AP3S1: variants seen among roughly 807,000 people sequenced by gnomAD.
AP3S1 encodes the protein AP-3 complex subunit sigma-1.
A neutral mutation model predicts 21.3 loss-of-function variants in AP3S1; 12 were observed. That is an observed-to-expected ratio of 0.56 (90% CI 0.36 to 0.91). AP3S1 has a LOEUF of 0.91. Ranked by LOEUF, AP3S1 falls within the 40% of genes least tolerant of loss-of-function variation. AP3S1 has a pLI of 0.01. For missense variants in AP3S1, 116 were observed against 225.0 expected (o/e 0.52, Z 3.10); for synonymous variants, 48 against 78.4 (o/e 0.61, Z 2.05).
chr5:115,912,908 C>T (rs1235908036), intron 5 of AP3S1, among the ~76,000 whole-genome samples: 1 of 152,028 alleles, frequency 6.6e-6, no homozygotes, highest in Non-Finnish European at 1.5e-5. Context: ...ATTAAACAAG[C>T]ACAATCTATT....
intron 1 of AP3S1, among the ~76,000 whole-genome samples, chr5:115,845,152 A>G (rs758588874): frequency 1.3e-5 from 2 of 152,198 alleles, no homozygotes; most frequent in East Asian, 1.9e-4. Flanking sequence ...TCTAAGAAGT[A>G]TATGTCCAAT....
chr5:115,898,649 T>C (rs1750962476), intron 4 of AP3S1: 1 of 152,156 alleles, frequency 6.6e-6, no homozygotes, highest in Non-Finnish European at 1.5e-5. Context: ...TTTCCACTAG[T>C]GTAAAGGAAG....
intron 3 of AP3S1, among the ~76,000 whole-genome samples, chr5:115,894,229 A>G (rs1160238312): frequency 3.3e-5 from 5 of 152,218 alleles, no homozygotes; most frequent in Admixed American, 3.3e-4. Context: ...AAAATATGTC[A>G]TAATGTGTAC....
chr5:115,842,533 A>C (rs1580590985), intron 1 of AP3S1: 1 of 155,000 alleles, frequency 6.5e-6, no homozygotes, highest in South Asian at 1.9e-4. Flanking sequence ...ACGGCGTGGA[A>C]CTCGTTCTTC....
chr5:115,856,170 T>A (rs567001935), intron 1 of AP3S1, among the ~76,000 whole-genome samples: 19 of 152,318 alleles, frequency 1.2e-4, no homozygotes, highest in African/African-American at 4.3e-4. Context: ...CTGATCAGCC[T>A]GAAGCAAGTT....
At position 115,857,345 on chromosome 5, in the gene AP3S1, G is replaced by A. The variant is rs184299579; in HGVS notation, c.70-9325G>A. Among the ~76,000 whole-genome samples the A allele has an allele frequency of 2.5e-3, 380 of 152,250 alleles. 3 individuals carry two copies. Among genetic ancestry groups the A allele is most frequent in the African/African-American group, 8.6e-3 (359 of 41,564 alleles). On this transcript the variant is annotated intron_variant, in intron 1 of 5. Transcript: ENST00000316788. ...ACACGTATGTATAAAGTAAGTGTAT[G>A]AACTCAGTTCTCACAACACCACCAT...
At chr5:115,860,159 C>T (rs768516787) in intron 1 of AP3S1, among the ~76,000 whole-genome samples, 13 of 152,174 alleles carry the variant, frequency 8.5e-5, no homozygotes, top group Non-Finnish European at 1.5e-4. Context: ...TCATAGCCAG[C>T]GGCATAGCAG....
At chr5:115,880,323 C>T (rs1000990304) in intron 3 of AP3S1, among the ~76,000 whole-genome samples, 13 of 152,264 alleles carry the variant, frequency 8.5e-5, no homozygotes, top group Admixed American at 2.6e-4. Flanking sequence ...CCCGCTTTCT[C>T]CTGTGGAGAT....
chr5:115,883,663 C>T (rs1749510463), intron 3 of AP3S1, among the ~76,000 whole-genome samples: 1 of 152,218 alleles, frequency 6.6e-6, no homozygotes, highest in Admixed American at 6.5e-5. Flanking sequence ...ATCTTGCCAT[C>T]CACCTCCTTT....
At chr5:115,907,225 A>G (rs1286841400) in intron 5 of AP3S1, among the ~76,000 whole-genome samples, 2 of 152,214 alleles carry the variant, frequency 1.3e-5, no homozygotes, top group Non-Finnish European at 2.9e-5. Flanking sequence ...AGCAGAACCA[A>G]TCTTAATTTA....
chr5:115,863,237 A>C (rs140567476), intron 1 of AP3S1, among the ~76,000 whole-genome samples: 4,029 of 152,146 alleles, frequency 0.026, 72 homozygotes, highest in Non-Finnish European at 0.041. Context: ...TCTCTACTAA[A>C]AATACAAAAA....
chr5:115,913,143 T>C (rs1386580862), intron 5 of AP3S1, among the ~76,000 whole-genome samples: 2 of 152,192 alleles, frequency 1.3e-5, no homozygotes, highest in Non-Finnish European at 2.9e-5. Context: ...TTTACATTGT[T>C]ATCATTGCAT....
At chr5:115,879,744 T>A (rs1266995150) in intron 3 of AP3S1, among the ~76,000 whole-genome samples, 1 of 152,182 alleles carries the variant, frequency 6.6e-6, no homozygotes, top group East Asian at 1.9e-4. Flanking sequence ...GGAGACTCTC[T>A]TTTTCCATTG....
At chr5:115,910,569 A>G (rs1752021122) in intron 5 of AP3S1, among the ~76,000 whole-genome samples, 1 of 152,078 alleles carries the variant, frequency 6.6e-6, no homozygotes, top group Non-Finnish European at 1.5e-5. Context: ...CAGCAAACTG[A>G]TTGCCTAATG....
intron 1 of AP3S1, among the ~76,000 whole-genome samples, chr5:115,845,878 A>C (rs1447007323): frequency 7.2e-6 from 1 of 137,996 alleles, no homozygotes; most frequent in East Asian, 2.1e-4. Flanking sequence ...AAAAAAATTC[A>C]AGTCTGGACT....
intron 4 of AP3S1, among the ~76,000 whole-genome samples, chr5:115,900,979 A>G (rs1040388738): frequency 6.6e-6 from 1 of 152,200 alleles, no homozygotes. Context: ...CATTATAAAA[A>G]TATGTGTCTA....
chr5:115,895,068 C>CT lies in AP3S1; in HGVS notation c.274-13dup, dbSNP rs761670924. ...AATAAATTTAAACAGTTCTTAAAAC[C>CT]TTTTTTCTTTTTCCATAGGTATTTG... On this transcript the variant is annotated intron_variant, in intron 3 of 5. Transcript: ENST00000316788. 1.9e-6 allele frequency: 3 copies of CT among 1,556,258 alleles called. No individual in the cohort carries two copies. The highest frequency in any genetic ancestry group is 1.2e-5 in the South Asian group (1 of 84,700).
At chr5:115,856,016 T>A (rs1762776108) in intron 1 of AP3S1, among the ~76,000 whole-genome samples, 1 of 152,178 alleles carries the variant, frequency 6.6e-6, no homozygotes, top group African/African-American at 2.4e-5. Flanking sequence ...TGTTTTTCAT[T>A]ACTACATTAA....
intron 1 of AP3S1, among the ~76,000 whole-genome samples, chr5:115,844,810 A>G (rs1235134398): frequency 6.6e-6 from 1 of 152,084 alleles, no homozygotes; most frequent in Non-Finnish European, 1.5e-5. Flanking sequence ...CATCTTTGTT[A>G]TGACACAGTA....
Sources: allele counts gnomAD v4.1 joint callset (sites outside exome capture counted in the v4.1 genomes callset), GRCh38; gene constraint gnomAD v4.1.1; transcripts MANE v1.5; gene names NCBI Gene and HGNC (gene_info 2026-07-23, HGNC 2026-07-21).